Variants in DYNC2I2 observed in about 807,000 individuals in gnomAD.
DYNC2I2 encodes the protein dynein 2 intermediate chain 2, also known as cytoplasmic dynein 2 intermediate chain 2.
Under a neutral mutation model 52.0 loss-of-function variants are expected in DYNC2I2, and 39 were observed. The ratio of observed to expected loss-of-function variants is 0.75; its 90% CI spans 0.58 to 0.98. The LOEUF is 0.98. Ranked by LOEUF, DYNC2I2 falls within the 50% of genes least tolerant of loss-of-function variation. The probability of loss-of-function intolerance (pLI) is 0.00; values close to 1 mark genes in which losing one functional copy is unlikely to be tolerated. For synonymous variants in DYNC2I2, 359 were observed against 321.1 expected (o/e 1.12, Z -1.26); for missense variants, 743 against 728.4 (o/e 1.02, Z -0.23).
intron 1 of DYNC2I2, among the ~76,000 whole-genome samples, chr9:128,645,321 C>T (rs955085015): frequency 2.0e-5 from 3 of 152,068 alleles, no homozygotes; most frequent in Non-Finnish European, 2.9e-5. Flanking sequence ...CACAGCAAAA[C>T]TCCATCTCTA....
At chr9:128,645,488 G>A (rs1860598466) in intron 1 of DYNC2I2, among the ~76,000 whole-genome samples, 1 of 151,120 alleles carries the variant, frequency 6.6e-6, no homozygotes, top group Non-Finnish European at 1.5e-5. Flanking sequence ...ATGGTGGCGG[G>A]CGCCTGTAGT....
At position 128,640,674 on chromosome 9, in the gene DYNC2I2, A is replaced by AC. The variant is rs1476242799; in HGVS notation, c.435+16dup. 3 of 1,609,462 alleles carry AC rather than the reference A, an allele frequency of 1.9e-6. No individual in the cohort carries two copies. The Admixed American group carries it at 5.0e-5, about 27-fold the overall frequency. On this transcript the variant is annotated intron_variant, in intron 2 of 8. Coordinates refer to ENST00000372715, the MANE Select transcript of DYNC2I2 (RefSeq NM_052844.4). Reference sequence around the variant, plus strand: ...GGGCAGGGGCTCGACCCGAGGCTGCACCAGCCCATCCCCTACCATCTGCTG... The same window carrying AC: ...GGGCAGGGGCTCGACCCGAGGCTGCACCCAGCCCATCCCCTACCATCTGCTG...
At chr9:128,644,376 G>A (rs560546130) in intron 1 of DYNC2I2, among the ~76,000 whole-genome samples, 4 of 151,492 alleles carry the variant, frequency 2.6e-5, no homozygotes, top group African/African-American at 7.3e-5. Context: ...TTGGGCTCAG[G>A]CAATCCTCCC....
chr9:128,656,439 A>C, intron 1 of DYNC2I2, 102 bp downstream of exon 1: 1 of 1,035,484 alleles, frequency 9.7e-7, no homozygotes, highest in Non-Finnish European at 1.2e-6. Flanking sequence ...GGACGCCCGA[A>C]CCCGCCCGGC....
At chr9:128,639,650 A>T in intron 2 of DYNC2I2, among the ~76,000 whole-genome samples, 1 of 151,798 alleles carries the variant, frequency 6.6e-6, no homozygotes, top group Non-Finnish European at 1.5e-5. Context: ...ACTACCTCAT[A>T]CAGTTTTTTT....
chr9:128,659,763 C>T (rs1022275309), upstream of DYNC2I2, among the ~76,000 whole-genome samples: 1 of 151,686 alleles, frequency 6.6e-6, no homozygotes, highest in Non-Finnish European at 1.5e-5. Context: ...ACAAAATTAG[C>T]GAGGCGTGGT....
At chr9:128,665,038 T>TTTTTTC in the DYNC2I2 span, among the ~76,000 whole-genome samples, 1 of 151,434 alleles carries the variant, frequency 6.6e-6, no homozygotes, top group African/African-American at 2.4e-5. Context: ...ACTGTGAATT[T>TTTTTTC]TTTTTCTTTT....
the DYNC2I2 span, among the ~76,000 whole-genome samples, chr9:128,674,284 G>A: frequency 2.0e-5 from 3 of 151,882 alleles, no homozygotes; most frequent in Non-Finnish European, 1.5e-5. Context: ...ACAGGCGCCC[G>A]CCACCACACC....
chr9:128,639,660 T>C (rs548089930), intron 2 of DYNC2I2, among the ~76,000 whole-genome samples: 1 of 151,986 alleles, frequency 6.6e-6, no homozygotes, highest in East Asian at 1.9e-4. Flanking sequence ...ACAGTTTTTT[T>C]TTGTTGTTTT....
intron 4 of DYNC2I2, 160 bp downstream of exon 4, chr9:128,636,121 G>T: frequency 1.8e-6 from 2 of 1,139,446 alleles, no homozygotes; most frequent in Non-Finnish European, 2.6e-6. Context: ...CCACCCCTCA[G>T]GGCTCACTGC....
chr9:128,668,430 C>A, the DYNC2I2 span, among the ~76,000 whole-genome samples: 1 of 152,010 alleles, frequency 6.6e-6, no homozygotes, highest in East Asian at 1.9e-4. Context: ...CCTTGTGATC[C>A]GCCCGCCTTG....
At chr9:128,637,975 G>A (rs887139443) in intron 2 of DYNC2I2, among the ~76,000 whole-genome samples, 3 of 152,120 alleles carry the variant, frequency 2.0e-5, no homozygotes, top group South Asian at 2.1e-4. Context: ...GATGGCTCAC[G>A]CCTGTAATCT....
intron 1 of DYNC2I2, among the ~76,000 whole-genome samples, chr9:128,648,812 A>G (rs182202275): frequency 3.3e-5 from 5 of 149,534 alleles, no homozygotes; most frequent in East Asian, 2.0e-4. Flanking sequence ...AAAAAAAAAA[A>G]AGAGAGAGAG....
the DYNC2I2 span, among the ~76,000 whole-genome samples, chr9:128,668,168 C>T: frequency 6.6e-6 from 1 of 151,938 alleles, no homozygotes; most frequent in South Asian, 2.1e-4. Context: ...ATCATGTTGG[C>T]CAGGATGGTC....
chr9:128,635,077 C>T lies in DYNC2I2; in HGVS notation c.981+15G>A, dbSNP rs757554076. ...CACCGGCGCAGGCCAGGGCAGTTTC[C>T]GGGTGCCCACGTACCTTCTTGAGCT... On this transcript the variant is annotated intron_variant, in intron 6 of 8. Transcript: ENST00000372715. 6 of 1,603,082 alleles carry T rather than the reference C, an allele frequency of 3.7e-6. No individual in the cohort carries two copies. Among genetic ancestry groups the T allele is most frequent in the South Asian group, 2.2e-5 (2 of 90,110 alleles).
chr9:128,659,627 G>C (rs1228269267), upstream of DYNC2I2, among the ~76,000 whole-genome samples: 4 of 151,446 alleles, frequency 2.6e-5, no homozygotes, highest in Non-Finnish European at 5.9e-5. Flanking sequence ...AAAAAATTAG[G>C]GCTGGGCGCA....
At chr9:128,657,908 A>G (rs1051310345), upstream of DYNC2I2, among the ~76,000 whole-genome samples, 1 of 152,098 alleles carries the variant, frequency 6.6e-6, no homozygotes, top group Non-Finnish European at 1.5e-5. Context: ...TGGGCAACAC[A>G]GCAAGACTCC....
At chr9:128,653,546 C>A (rs1382173939) in intron 1 of DYNC2I2, among the ~76,000 whole-genome samples, 1 of 145,390 alleles carries the variant, frequency 6.9e-6, no homozygotes, top group Non-Finnish European at 1.5e-5. Flanking sequence ...AACCCCACCT[C>A]TACTAAAAAA....
At chr9:128,662,164 C>T in the DYNC2I2 span, among the ~76,000 whole-genome samples, 3 of 148,456 alleles carry the variant, frequency 2.0e-5, no homozygotes, top group Non-Finnish European at 3.0e-5. Context: ...ACCTGGGAGG[C>T]GGAGGTTGCA....
Sources: allele counts gnomAD v4.1 joint callset (sites outside exome capture counted in the v4.1 genomes callset), GRCh38; gene constraint gnomAD v4.1.1; transcripts MANE v1.5; gene names NCBI Gene and HGNC (gene_info 2026-07-23, HGNC 2026-07-21).